STARD13: variants seen among roughly 807,000 people sequenced by gnomAD.
STARD13 encodes the protein StAR related lipid transfer domain containing 13.
In STARD13, 62 loss-of-function variants were observed where a neutral mutation model predicts 106.4. The observed-to-expected ratio is 0.58, with a 90% CI of 0.48 to 0.72. The LOEUF (loss-of-function observed/expected upper bound fraction) is 0.72. Ranked by LOEUF, STARD13 falls within the 30% of genes least tolerant of loss-of-function variation. The pLI, the probability that STARD13 is intolerant of heterozygous loss-of-function variation, is 0.00. For synonymous variants in STARD13, 565 were observed against 553.0 expected, an observed-to-expected ratio of 1.02 and a Z score of -0.31; for missense variants, 1,387 against 1,424.0, an observed-to-expected ratio of 0.97 and a Z score of 0.42.
chr13:33,538,429 T>G, the STARD13 span, among the ~76,000 whole-genome samples: 1 of 152,106 alleles, frequency 6.6e-6, no homozygotes, highest in African/African-American at 2.4e-5. Context: ...CACCTCGGCT[T>G]TTAGCTGGGA....
chr13:33,365,277 A>T, the STARD13 span, among the ~76,000 whole-genome samples: 5 of 152,156 alleles, frequency 3.3e-5, no homozygotes, highest in Non-Finnish European at 7.4e-5. Flanking sequence ...CCTAATAGAG[A>T]AATCTAGAAA....
At chr13:33,487,203 G>T in the STARD13 span, among the ~76,000 whole-genome samples, 1 of 152,140 alleles carries the variant, frequency 6.6e-6, no homozygotes, top group Non-Finnish European at 1.5e-5. Flanking sequence ...AAGCTCTTAG[G>T]ACTCTTTTAG....
chr13:33,471,348 C>A, the STARD13 span, among the ~76,000 whole-genome samples: 4 of 152,204 alleles, frequency 2.6e-5, no homozygotes, highest in African/African-American at 9.6e-5. Flanking sequence ...GTAAAACCAG[C>A]TTTGCAGGCT....
At chr13:33,607,003 C>G in the STARD13 span, among the ~76,000 whole-genome samples, 17,889 of 152,106 alleles carry the variant, frequency 0.12, 1,554 homozygotes, top group East Asian at 0.25. Flanking sequence ...TCATTAGCAG[C>G]CTTAATTCAT....
At chr13:33,674,142 G>A in the STARD13 span, among the ~76,000 whole-genome samples, 1 of 152,176 alleles carries the variant, frequency 6.6e-6, no homozygotes, top group Non-Finnish European at 1.5e-5. Context: ...TTACAGGCGT[G>A]AGCCACCGCA....
intron 1 of STARD13, chr13:33,276,041 C>G (rs2138377073): frequency 6.6e-6 from 1 of 152,328 alleles, no homozygotes; most frequent in African/African-American, 2.4e-5. Context: ...ACTGATTTCC[C>G]TTCTTCTTGC....
chr13:33,131,063 T>C (rs1292111704), intron 4 of STARD13, among the ~76,000 whole-genome samples: 1 of 152,314 alleles, frequency 6.6e-6, no homozygotes, highest in Admixed American at 6.5e-5. Flanking sequence ...TGACTCTAGG[T>C]GTCTGGTTTC....
chr13:33,204,416 T>C (rs1175487637), intron 1 of STARD13, among the ~76,000 whole-genome samples: 1 of 152,232 alleles, frequency 6.6e-6, no homozygotes, highest in Non-Finnish European at 1.5e-5. Context: ...ACATTTAGAC[T>C]GTAGGAAACA....
At position 33,150,174 on chromosome 13, in the gene STARD13, T is replaced by C. The variant is rs559859893; in HGVS notation, c.324-7801A>G. Among the ~76,000 whole-genome samples the C allele has an allele frequency of 3.3e-5, 5 of 152,342 alleles. No homozygotes were observed. In the East Asian group the frequency reaches 9.6e-4, roughly 29 times the overall value. ...TTCTTTTTGAACTGAGCATGCTTTG[T>C]TCATATAGGTCCAATCAGTGATTGA... On this transcript the variant is annotated intron_variant, in intron 3 of 13. Transcript: ENST00000336934.
the STARD13 span, among the ~76,000 whole-genome samples, chr13:33,540,945 G>A: frequency 6.6e-6 from 1 of 152,234 alleles, no homozygotes; most frequent in Non-Finnish European, 1.5e-5. Context: ...ATAAATGCAT[G>A]CAGGAGTTCA....
At chr13:33,203,125 C>T (rs1051319628) in intron 1 of STARD13, among the ~76,000 whole-genome samples, 15 of 152,166 alleles carry the variant, frequency 9.9e-5, no homozygotes, top group South Asian at 2.1e-4. Context: ...CACAATGCAG[C>T]GGAAGAGCAC....
chr13:33,597,233 C>A, the STARD13 span, among the ~76,000 whole-genome samples: 3 of 152,182 alleles, frequency 2.0e-5, no homozygotes, highest in Non-Finnish European at 2.9e-5. Context: ...GCCATTCTAA[C>A]TGGGGCAAGA....
At chr13:33,331,832 C>G (rs1030018608) in intron 1 of STARD13, among the ~76,000 whole-genome samples, 1 of 150,428 alleles carries the variant, frequency 6.6e-6, no homozygotes, top group African/African-American at 2.4e-5. Flanking sequence ...GCTAATTTCT[C>G]CCATTTGCAT....
At chr13:33,463,972 T>C in the STARD13 span, among the ~76,000 whole-genome samples, 3 of 147,992 alleles carry the variant, frequency 2.0e-5, no homozygotes, top group Admixed American at 2.1e-4. Context: ...GATCGTGCCA[T>C]TGCACTCCAG....
At chr13:33,454,922 G>A in the STARD13 span, among the ~76,000 whole-genome samples, 21 of 152,338 alleles carry the variant, frequency 1.4e-4, no homozygotes, top group African/African-American at 4.8e-4. Flanking sequence ...TGGTGACTCA[G>A]TAGATACTTA....
chr13:33,580,843 A>T, the STARD13 span, among the ~76,000 whole-genome samples: 4 of 152,150 alleles, frequency 2.6e-5, no homozygotes, highest in South Asian at 2.1e-4. Context: ...ACATACATAT[A>T]TATTTGTTTA....
the STARD13 span, among the ~76,000 whole-genome samples, chr13:33,430,075 G>A: frequency 1.3e-5 from 2 of 151,940 alleles, no homozygotes; most frequent in South Asian, 2.1e-4. Context: ...CCGCCACCAC[G>A]CCTGGCTAAT....
chr13:33,453,313 C>T, the STARD13 span, among the ~76,000 whole-genome samples: 3 of 152,168 alleles, frequency 2.0e-5, no homozygotes, highest in African/African-American at 7.2e-5. Flanking sequence ...GAATATACGC[C>T]AATAGAGAAT....
intron 1 of STARD13, among the ~76,000 whole-genome samples, chr13:33,298,121 GTTTTT>G (rs71071090): frequency 1.9e-5 from 1 of 51,914 alleles, no homozygotes; most frequent in Non-Finnish European, 3.4e-5. Flanking sequence ...CCCATCTACA[GTTTTT>G]TTTTTTTTTT....
Sources: gnomAD v4.1 joint callset for allele counts (sites outside exome capture counted in the v4.1 genomes callset) on GRCh38, gnomAD v4.1.1 for gene constraint, MANE v1.5 for transcripts, NCBI Gene and HGNC (gene_info 2026-07-23, HGNC 2026-07-21) for gene names.